The following LRRC4C variants were observed in gnomAD, a reference collection of about 807,000 sequenced individuals.
LRRC4C encodes leucine-rich repeat-containing protein 4C.
LRRC4C carries 5 observed loss-of-function variants against 33.6 expected under a neutral mutation model. That is an observed-to-expected ratio of 0.15 (90% CI 0.08 to 0.31). LRRC4C has a LOEUF of 0.31. Ranked by LOEUF, LRRC4C falls within the 10% of genes least tolerant of loss-of-function variation. LRRC4C has a pLI of 1.00. For missense variants in LRRC4C, 560 were observed against 796.7 expected, an observed-to-expected ratio of 0.70 and a Z score of 3.58; for synonymous variants, 329 against 302.0, an observed-to-expected ratio of 1.09 and a Z score of -0.93.
intron 3 of LRRC4C, among the ~76,000 whole-genome samples, chr11:40,550,849 T>C (rs750975205): frequency 5.3e-4 from 80 of 151,948 alleles, no homozygotes; most frequent in African/African-American, 1.5e-3. Context: ...CTGCTCCTGA[T>C]TGAAGTTGGG....
At chr11:40,678,249 G>A (rs959537474) in intron 2 of LRRC4C, among the ~76,000 whole-genome samples, 1 of 151,814 alleles carries the variant, frequency 6.6e-6, no homozygotes, top group Non-Finnish European at 1.5e-5. Flanking sequence ...CCCAAGTAAT[G>A]AGTATACTAC....
intron 1 of LRRC4C, among the ~76,000 whole-genome samples, chr11:41,261,174 C>T (rs12285627): frequency 3.3e-5 from 5 of 151,890 alleles, no homozygotes; most frequent in African/African-American, 1.2e-4. Flanking sequence ...TTTTGACAAC[C>T]CTTACCCTTC....
At chr11:40,410,312 C>T (rs1858048153) in intron 3 of LRRC4C, among the ~76,000 whole-genome samples, 1 of 152,102 alleles carries the variant, frequency 6.6e-6, no homozygotes, top group South Asian at 2.1e-4. Flanking sequence ...ATTATGTCAA[C>T]ATGCAATCAA....
chr11:40,645,934 T>G (rs1942424185), intron 3 of LRRC4C, among the ~76,000 whole-genome samples: 1 of 152,060 alleles, frequency 6.6e-6, no homozygotes, highest in Non-Finnish European at 1.5e-5. Context: ...AAGCCCCTCC[T>G]CCAGTATTCT....
At chr11:40,901,999 T>TCTAC (rs1956224533) in intron 2 of LRRC4C, among the ~76,000 whole-genome samples, 1 of 139,738 alleles carries the variant, frequency 7.2e-6, no homozygotes, top group African/African-American at 2.6e-5. Flanking sequence ...TCTCTCTCTC[T>TCTAC]ACACACACAC....
chr11:40,675,459 T>C (rs1944350625), intron 2 of LRRC4C, among the ~76,000 whole-genome samples: 1 of 152,214 alleles, frequency 6.6e-6, no homozygotes, highest in South Asian at 2.1e-4. Context: ...TAAGCAGAGT[T>C]GCTCACACTT....
chr11:40,708,567 G>A (rs553669352), intron 2 of LRRC4C, among the ~76,000 whole-genome samples: 24 of 152,288 alleles, frequency 1.6e-4, no homozygotes, highest in South Asian at 1.0e-3. Context: ...ATTGCCCTGT[G>A]GTCTGAGAGA....
At chr11:40,806,392 C>T (rs1032188753) in intron 2 of LRRC4C, among the ~76,000 whole-genome samples, 8 of 152,198 alleles carry the variant, frequency 5.3e-5, no homozygotes, top group Non-Finnish European at 1.2e-4. Context: ...CTAGCTGTAT[C>T]ATCTCTATTG....
rs555194814 is a variant in LRRC4C, at chr11:40,505,416, G to A, written c.-270+142726C>T. ...AGATTTACTGCCCTTTTCTGCTCAG[G>A]TCTTACTTTTCCAGACAATGTCATC... On this transcript the variant is annotated intron_variant, in intron 3 of 6. Coordinates refer to ENST00000528697, the MANE Select transcript of LRRC4C (RefSeq NM_001258419.2). Among the ~76,000 whole-genome samples, 24 of 152,188 alleles carry A rather than the reference G, an allele frequency of 1.6e-4. No homozygotes were observed. The South Asian group carries it at 5.0e-3, about 32-fold the overall frequency.
chr11:41,008,859 G>A (rs535728007), intron 1 of LRRC4C, among the ~76,000 whole-genome samples: 5 of 151,826 alleles, frequency 3.3e-5, no homozygotes, highest in African/African-American at 1.2e-4. Context: ...CTCCTTTATG[G>A]CTCCCCCATC....
chr11:40,868,432 G>C (rs2135917647), intron 2 of LRRC4C, among the ~76,000 whole-genome samples: 1 of 152,208 alleles, frequency 6.6e-6, no homozygotes, highest in East Asian at 1.9e-4. Flanking sequence ...TCCCATGGCA[G>C]AAATTCCTCC....
chr11:41,429,637 T>C (rs960221045), intron 1 of LRRC4C, among the ~76,000 whole-genome samples: 1 of 152,048 alleles, frequency 6.6e-6, no homozygotes, highest in African/African-American at 2.4e-5. Context: ...GTGCTTAAAC[T>C]TGGGGCATCA....
At chr11:40,311,943 CAAAAAAAAAAAA>C (rs368014390) in intron 4 of LRRC4C, among the ~76,000 whole-genome samples, 1 of 61,992 alleles carries the variant, frequency 1.6e-5, no homozygotes, top group African/African-American at 6.1e-5. Flanking sequence ...GACTCTGTCT[CAAAAAAAAAAAA>C]AAAAAAAAAG....
At chr11:41,197,797 A>G (rs1282832786) in intron 1 of LRRC4C, among the ~76,000 whole-genome samples, 1 of 151,966 alleles carries the variant, frequency 6.6e-6, no homozygotes, top group Admixed American at 6.6e-5. Flanking sequence ...CTTAGTTTGC[A>G]TGGTAAGATA....
intron 3 of LRRC4C, among the ~76,000 whole-genome samples, chr11:40,503,779 ATTT>A (rs1954897897): frequency 1.3e-5 from 2 of 152,172 alleles, no homozygotes; most frequent in African/African-American, 4.8e-5. Context: ...AAAAGGCCTT[ATTT>A]TATTAGTGTG....
chr11:40,143,870 A>G (rs912327755), intron 5 of LRRC4C, among the ~76,000 whole-genome samples: 13 of 152,284 alleles, frequency 8.5e-5, no homozygotes, highest in Non-Finnish European at 1.0e-4. Flanking sequence ...TGAATCTCCA[A>G]AAGTAGCCCC....
At chr11:41,065,767 C>T (rs1260893108) in intron 1 of LRRC4C, among the ~76,000 whole-genome samples, 6 of 152,220 alleles carry the variant, frequency 3.9e-5, no homozygotes, top group East Asian at 1.9e-4. Context: ...AATACCCAGG[C>T]GAACAGGGTC....
chr11:41,138,445 T>C (rs889541375), intron 1 of LRRC4C, among the ~76,000 whole-genome samples: 1 of 152,138 alleles, frequency 6.6e-6, no homozygotes, highest in Non-Finnish European at 1.5e-5. Context: ...AATGACACCA[T>C]TGACACTCCC....
intron 1 of LRRC4C, among the ~76,000 whole-genome samples, chr11:41,208,792 A>G (rs1434729399): frequency 6.6e-6 from 1 of 152,208 alleles, no homozygotes; most frequent in Non-Finnish European, 1.5e-5. Context: ...CCTCAGCTTC[A>G]GAGGATGGAG....
Sources: gnomAD v4.1 joint callset for allele counts (sites outside exome capture counted in the v4.1 genomes callset) on GRCh38, gnomAD v4.1.1 for gene constraint, MANE v1.5 for transcripts, NCBI Gene and HGNC (gene_info 2026-07-23, HGNC 2026-07-21) for gene names.